The following ZFHX3 variants were observed in gnomAD, a reference collection of about 807,000 sequenced individuals.
The protein encoded by ZFHX3 is zinc finger homeobox 3.
A neutral mutation model predicts 279.1 loss-of-function variants in ZFHX3; 42 were observed. The observed-to-expected ratio is 0.15, with a 90% CI of 0.12 to 0.19. The LOEUF (loss-of-function observed/expected upper bound fraction) is 0.19, where lower values mean the gene tolerates loss of function less well. Ranked by LOEUF, ZFHX3 falls within the 10% of genes least tolerant of loss-of-function variation. The pLI is 1.00. For synonymous variants in ZFHX3, 2,293 were observed against 1,957.8 expected, an observed-to-expected ratio of 1.17 and a Z score of -4.52; for missense variants, 4,981 against 4,754.0, an observed-to-expected ratio of 1.05 and a Z score of -1.40.
intron 3 of ZFHX3, among the ~76,000 whole-genome samples, chr16:73,379,708 A>C (rs940619669): frequency 6.6e-6 from 1 of 152,180 alleles, no homozygotes; most frequent in South Asian, 2.1e-4. Flanking sequence ...TGAGCAAAAA[A>C]ATAAAGTCAG....
At chr16:73,018,097 C>G (rs537073279) in intron 1 of ZFHX3, among the ~76,000 whole-genome samples, 6 of 151,826 alleles carry the variant, frequency 4.0e-5, no homozygotes, top group African/African-American at 1.5e-4. Context: ...GCAATCCTCC[C>G]GCCTTAGCCT....
chr16:73,316,536 C>G (rs1334901930), intron 4 of ZFHX3, among the ~76,000 whole-genome samples: 1 of 152,202 alleles, frequency 6.6e-6, no homozygotes, highest in Non-Finnish European at 1.5e-5. Flanking sequence ...CTAGTAGATA[C>G]TCTTTGATAT....
At chr16:73,128,884 C>T (rs1325167504) in intron 7 of ZFHX3, among the ~76,000 whole-genome samples, 7 of 152,220 alleles carry the variant, frequency 4.6e-5, no homozygotes, top group African/African-American at 1.4e-4. Context: ...ATCTATATAA[C>T]GGGGATGGTA....
intron 1 of ZFHX3, among the ~76,000 whole-genome samples, chr16:73,716,705 G>A (rs1485382169): frequency 6.6e-6 from 1 of 151,908 alleles, no homozygotes; most frequent in African/African-American, 2.4e-5. Context: ...GAACCGGTCC[G>A]AGCGTGCAGG....
At chr16:73,695,234 T>G (rs929725720) in intron 1 of ZFHX3, among the ~76,000 whole-genome samples, 2 of 78,658 alleles carry the variant, frequency 2.5e-5, no homozygotes, top group African/African-American at 7.1e-5. Context: ...CAAATACAGT[T>G]TTTTTTTGTT....
At chr16:73,592,363 G>A (rs2052008425) in intron 2 of ZFHX3, among the ~76,000 whole-genome samples, 2 of 152,092 alleles carry the variant, frequency 1.3e-5, no homozygotes, top group Non-Finnish European at 2.9e-5. Flanking sequence ...GGAGAGAGAA[G>A]GGGGTGGGAT....
chr16:72,897,375 G>A (rs549996838), intron 3 of ZFHX3, among the ~76,000 whole-genome samples: 87 of 152,300 alleles, frequency 5.7e-4, no homozygotes, highest in Non-Finnish European at 1.1e-3. Context: ...AAGACATAGC[G>A]GGTGTTCATT....
chr16:73,510,993 G>C (rs1009429122), intron 2 of ZFHX3, among the ~76,000 whole-genome samples: 42 of 152,192 alleles, frequency 2.8e-4, no homozygotes, highest in African/African-American at 9.9e-4. Context: ...AACCAGACAG[G>C]GCTTTGCCTT....
At chr16:72,977,517 T>G (rs1275781960) in intron 1 of ZFHX3, among the ~76,000 whole-genome samples, 2 of 152,150 alleles carry the variant, frequency 1.3e-5, no homozygotes, top group Non-Finnish European at 2.9e-5. Context: ...GAACCACCTC[T>G]TAGAAGTCTA....
chr16:73,869,824 G>T (rs1240404865), intron 1 of ZFHX3, among the ~76,000 whole-genome samples: 5 of 152,218 alleles, frequency 3.3e-5, no homozygotes, highest in Admixed American at 3.3e-4. Flanking sequence ...TATTTAGAGG[G>T]AGGTAGCGGT....
chr16:73,513,355 G>A (rs1274023369), intron 2 of ZFHX3, among the ~76,000 whole-genome samples: 1 of 152,134 alleles, frequency 6.6e-6, no homozygotes, highest in Non-Finnish European at 1.5e-5. Flanking sequence ...TCAGGATCAG[G>A]CCTGAGAAGC....
intron 5 of ZFHX3, among the ~76,000 whole-genome samples, chr16:73,180,953 G>A (rs75265189): frequency 6.6e-6 from 1 of 152,146 alleles, no homozygotes; most frequent in East Asian, 1.9e-4. Context: ...GTGAGCCACC[G>A]CGCCTGGCCC....
At chr16:73,093,453 G>C (rs764545276) in exon 8 of ZFHX3, 3 of 495,452 alleles carry the variant, frequency 6.1e-6, no homozygotes, top group Non-Finnish European at 1.2e-5. Context: ...CAGCTCTTTT[G>C]GGGGTTCCAG....
At chr16:73,044,203 T>C (rs916510321) in intron 1 of ZFHX3, among the ~76,000 whole-genome samples, 2 of 152,158 alleles carry the variant, frequency 1.3e-5, no homozygotes, top group African/African-American at 4.8e-5. Context: ...TGATTTCTAA[T>C]AATAACCATT....
At chr16:73,391,173 G>A (rs1055788833) in intron 3 of ZFHX3, among the ~76,000 whole-genome samples, 1 of 152,168 alleles carries the variant, frequency 6.6e-6, no homozygotes, top group Admixed American at 6.5e-5. Context: ...TGTCCAGTGA[G>A]TCATTAAGAC....
intron 2 of ZFHX3, among the ~76,000 whole-genome samples, chr16:73,563,159 T>G (rs2020396358): frequency 6.7e-6 from 1 of 149,730 alleles, no homozygotes; most frequent in African/African-American, 2.5e-5. Flanking sequence ...TTTTTTGTTT[T>G]TTTTGTTTTG....
chr16:73,559,276 G>A (rs2020334649), intron 2 of ZFHX3, among the ~76,000 whole-genome samples: 1 of 152,052 alleles, frequency 6.6e-6, no homozygotes, highest in Admixed American at 6.5e-5. Context: ...TCAAACTCCT[G>A]GCTTCAAGTG....
chr16:73,739,893 C>T (rs929544965), intron 1 of ZFHX3, among the ~76,000 whole-genome samples: 1 of 152,100 alleles, frequency 6.6e-6, no homozygotes, highest in South Asian at 2.1e-4. Context: ...TTCTCTACCC[C>T]CAATGACCTC....
intron 7 of ZFHX3, among the ~76,000 whole-genome samples, chr16:73,103,143 T>C (rs1023230706): frequency 6.6e-6 from 1 of 152,152 alleles, no homozygotes; most frequent in African/African-American, 2.4e-5. Flanking sequence ...CAAGCTGGTC[T>C]CGAACTCCTG....
Sources: gnomAD v4.1 joint callset for allele counts (sites outside exome capture counted in the v4.1 genomes callset) on GRCh38, gnomAD v4.1.1 for gene constraint, MANE v1.5 for transcripts, NCBI Gene and HGNC (gene_info 2026-07-23, HGNC 2026-07-21) for gene names.